RHOBTB2: variants seen among roughly 807,000 people sequenced by gnomAD.
The protein encoded by RHOBTB2 is Rho related BTB domain containing 2, also known as rho-related BTB domain-containing protein 2.
In RHOBTB2, 39 loss-of-function variants were observed where a neutral mutation model predicts 66.5. The ratio of observed to expected loss-of-function variants is 0.59; its 90% CI spans 0.45 to 0.77. The LOEUF (loss-of-function observed/expected upper bound fraction) is 0.77. Ranked by LOEUF, RHOBTB2 falls within the 30% of genes least tolerant of loss-of-function variation. RHOBTB2 has a pLI of 0.00. For synonymous variants in RHOBTB2, 390 were observed against 395.0 expected (o/e 0.99, Z 0.15); for missense variants, 755 against 999.1 (o/e 0.76, Z 3.29).
chr8:22,959,873 T>C, the RHOBTB2 span, among the ~76,000 whole-genome samples: 119,844 of 151,146 alleles, frequency 0.79, 47,664 homozygotes, highest in African/African-American at 0.85. Flanking sequence ...TGTTACAAGT[T>C]GAAATGTTGG....
the RHOBTB2 span, among the ~76,000 whole-genome samples, chr8:22,965,994 T>C: frequency 1.3e-5 from 2 of 152,278 alleles, no homozygotes; most frequent in South Asian, 4.1e-4. Flanking sequence ...ACTCACAGAA[T>C]GGGAGAAAAT....
upstream of RHOBTB2, chr8:22,984,904 A>G (rs1810263712): frequency 6.6e-6 from 1 of 152,130 alleles, no homozygotes; most frequent in Non-Finnish European, 1.5e-5. Flanking sequence ...CCTGGGCAAC[A>G]GAGTAAGATT....
At chr8:22,979,292 A>G in the RHOBTB2 span, among the ~76,000 whole-genome samples, 1 of 152,216 alleles carries the variant, frequency 6.6e-6, no homozygotes, top group Non-Finnish European at 1.5e-5. Flanking sequence ...AAACACTCCA[A>G]TCTAAAAGTA....
chr8:22,985,595 T>C (rs967176234), upstream of RHOBTB2, among the ~76,000 whole-genome samples: 3 of 152,246 alleles, frequency 2.0e-5, no homozygotes, highest in Admixed American at 6.5e-5. Context: ...TATTGTCCCA[T>C]ATTTTTATGG....
the RHOBTB2 span, among the ~76,000 whole-genome samples, chr8:22,967,085 T>C: frequency 6.6e-6 from 1 of 152,190 alleles, no homozygotes; most frequent in Admixed American, 6.5e-5. Flanking sequence ...AGCAGGGTCT[T>C]AGAGAGACCT....
upstream of RHOBTB2, chr8:22,995,980 C>G: frequency 8.5e-7 from 1 of 1,179,454 alleles, no homozygotes; most frequent in Admixed American, 2.0e-5. Context: ...CTGCGTTGGG[C>G]TGGCACTGGG....
intron 8 of RHOBTB2, 117 bp downstream of exon 8, chr8:23,014,895 G>C (rs1468342540): frequency 2.4e-6 from 2 of 818,906 alleles, no homozygotes; most frequent in Non-Finnish European, 4.1e-6. Context: ...TCATCGGACT[G>C]GGCTCTTTGA....
the RHOBTB2 span, among the ~76,000 whole-genome samples, chr8:22,957,574 A>G: frequency 6.6e-6 from 1 of 152,066 alleles, no homozygotes; most frequent in African/African-American, 2.4e-5. Flanking sequence ...CCTGGACCAA[A>G]CTGAGGGTTG....
rs746454655 is a variant in RHOBTB2 at position 22,999,723 on chromosome 8, C to G, written c.-393C>G. On this transcript the variant is annotated 5_prime_UTR_variant, in exon 1 of 10. Coordinates refer to ENST00000251822, the MANE Select transcript of RHOBTB2 (RefSeq NM_015178.3). ...CGTCTTCGCGGCAGCGCCTTCGCCG[C>G]GGGCCCGGGCGCGTAGCGGCGGCGG... 149 of 1,102,252 alleles carry G rather than the reference C, an allele frequency of 1.4e-4. No homozygotes were observed. The highest frequency in any genetic ancestry group is 2.2e-5 in the Non-Finnish European group (20 of 896,812). The allele number at this position is 1,102,252 out of a possible 1,614,324, so 68.3% of individuals were successfully genotyped here.
chr8:23,003,127 C>T (rs1810835664), intron 1 of RHOBTB2, among the ~76,000 whole-genome samples: 2 of 152,198 alleles, frequency 1.3e-5, no homozygotes, highest in African/African-American at 4.8e-5. Flanking sequence ...CCCCCCCAGA[C>T]GACTTTCATA....
At chr8:22,964,620 C>T in the RHOBTB2 span, among the ~76,000 whole-genome samples, 1 of 151,952 alleles carries the variant, frequency 6.6e-6, no homozygotes, top group Admixed American at 6.6e-5. Flanking sequence ...AGGGGACTCA[C>T]ATGAAGGCTC....
At chr8:22,961,475 T>G in the RHOBTB2 span, among the ~76,000 whole-genome samples, 2 of 152,202 alleles carry the variant, frequency 1.3e-5, 1 homozygote, top group African/African-American at 4.8e-5. Flanking sequence ...CTCTGAGGGC[T>G]GCCTGACTCT....
At chr8:22,976,791 AG>A in the RHOBTB2 span, among the ~76,000 whole-genome samples, 1 of 151,774 alleles carries the variant, frequency 6.6e-6, no homozygotes, top group African/African-American at 2.4e-5. Flanking sequence ...ATCCCCAGAT[AG>A]GTTTTTTTTT....
At chr8:22,997,225 G>A (rs1239005596), upstream of RHOBTB2, among the ~76,000 whole-genome samples, 1 of 148,824 alleles carries the variant, frequency 6.7e-6, no homozygotes, top group Non-Finnish European at 1.5e-5. Context: ...GGGCTGGGGG[G>A]CACTGGTAGG....
Position 23,007,131 on chromosome 8 carries a change from T to C in RHOBTB2, c.886T>C (p.Phe296Leu), listed in dbSNP as rs1376762284. 1 of 1,609,242 alleles carries C rather than the reference T, an allele frequency of 6.2e-7. No homozygotes were observed. Among genetic ancestry groups the C allele is most frequent in the Non-Finnish European group, 8.5e-7 (1 of 1,179,820 alleles). Residue 296 changes from phenylalanine (F) to leucine (L), a missense_variant, in exon 5 of 10, where the codon TTC (phenylalanine) becomes CTC (leucine). Phe to Leu is a conservative substitution (Grantham distance 22, BLOSUM62 0). Coordinates refer to ENST00000251822, the MANE Select transcript of RHOBTB2 (RefSeq NM_015178.3). ...STSSSKFYDL[F>L]LMDLSEGELG... is the part of the protein sequence containing the mutation. ...CTCTTCCTCCAAGTTCTATGACCTG[T>C]TCCTCATGGACCTGAGTGAGGGGGA...
At chr8:22,965,051 A>C in the RHOBTB2 span, among the ~76,000 whole-genome samples, 1 of 152,124 alleles carries the variant, frequency 6.6e-6, no homozygotes, top group Non-Finnish European at 1.5e-5. Flanking sequence ...TCCTGACATC[A>C]GATAATCTGC....
chr8:23,014,552 C>A, intron 7 of RHOBTB2, 138 bp from the exon 8 acceptor site: 1 of 689,716 alleles, frequency 1.4e-6, no homozygotes, highest in Non-Finnish European at 2.5e-6. Flanking sequence ...ACGTCATAGC[C>A]TGGGGCCTTT....
Position 23,000,055 on chromosome 8 carries a change from A to G in RHOBTB2, c.-61A>G. On this transcript the variant is annotated 5_prime_UTR_variant, in exon 1 of 10. Coordinates refer to ENST00000251822, the MANE Select transcript of RHOBTB2 (RefSeq NM_015178.3). ...TTTCACTAAAATGAGCGTGCTCAGC[A>G]GGAAGAGATGTGTTCCTCACGCTAG... 1 of 985,490 alleles carries G rather than the reference A, an allele frequency of 1.0e-6. No homozygotes were observed. The highest frequency in any genetic ancestry group is 1.2e-6 in the Non-Finnish European group (1 of 829,960). 61.0% of individuals were successfully genotyped at this position (985,490 alleles called of 1,614,324 possible).
chr8:22,962,282 A>G, the RHOBTB2 span, among the ~76,000 whole-genome samples: 1 of 151,288 alleles, frequency 6.6e-6, no homozygotes, highest in African/African-American at 2.4e-5. Flanking sequence ...CCTATCAAAG[A>G]ATTATCTTCT....
Sources: gnomAD v4.1 joint callset for allele counts (sites outside exome capture counted in the v4.1 genomes callset) on GRCh38, gnomAD v4.1.1 for gene constraint, MANE v1.5 for transcripts, NCBI Gene and HGNC (gene_info 2026-07-23, HGNC 2026-07-21) for gene names.